The following RBFOX1 variants were observed in gnomAD, a reference collection of about 807,000 sequenced individuals.
RBFOX1 encodes the protein RNA binding protein fox-1 homolog 1.
In RBFOX1, 8 loss-of-function variants were observed where a neutral mutation model predicts 57.7. The observed-to-expected ratio is 0.14, with a 90% CI of 0.08 to 0.25. RBFOX1 has a LOEUF of 0.25. Ranked by LOEUF, RBFOX1 falls within the 10% of genes least tolerant of loss-of-function variation. The pLI is 1.00. For missense variants in RBFOX1, 611 were observed against 548.5 expected, an observed-to-expected ratio of 1.11 and a Z score of -1.14; for synonymous variants, 326 against 222.4, an observed-to-expected ratio of 1.47 and a Z score of -4.15.
At chr16:5,964,757 ATG>A (rs1272413713) in intron 4 of RBFOX1, among the ~76,000 whole-genome samples, 3 of 152,080 alleles carry the variant, frequency 2.0e-5, no homozygotes, top group African/African-American at 4.8e-5. Context: ...GTGTGTGTAT[ATG>A]TATATATATA....
Position 6,807,465 on chromosome 16 carries a change from G to T in RBFOX1, c.-16+152815G>T, listed in dbSNP as rs374796076. 1.2e-4 allele frequency among the ~76,000 whole-genome samples: 19 copies of T among 152,208 alleles called. 1 individual carries two copies. Among genetic ancestry groups the T allele is most frequent in the African/African-American group, 4.6e-4 (19 of 41,542 alleles). On this transcript the variant is annotated intron_variant, in intron 3 of 15. Coordinates refer to ENST00000550418, the MANE Select transcript of RBFOX1 (RefSeq NM_018723.4). Reference sequence around the variant, plus strand: ...TGGAGGAATGTTGGAGTAGCACACAGGGCTGGGGTCCTGAGTTCTGCACTC... The same window carrying T: ...TGGAGGAATGTTGGAGTAGCACACATGGCTGGGGTCCTGAGTTCTGCACTC...
intron 1 of RBFOX1, among the ~76,000 whole-genome samples, chr16:5,413,850 G>A (rs2067089264): frequency 6.6e-6 from 1 of 152,068 alleles, no homozygotes; most frequent in Non-Finnish European, 1.5e-5. Context: ...GGGTTGTTGG[G>A]GGAAGGCAAA....
intron 1 of RBFOX1, among the ~76,000 whole-genome samples, chr16:6,286,069 A>C (rs2076877289): frequency 6.6e-6 from 1 of 152,186 alleles, no homozygotes; most frequent in Non-Finnish European, 1.5e-5. Flanking sequence ...GGCACTGATA[A>C]TAAATGTTCA....
At chr16:6,669,916 G>C (rs1268207683) in intron 3 of RBFOX1, among the ~76,000 whole-genome samples, 1 of 152,172 alleles carries the variant, frequency 6.6e-6, no homozygotes, top group East Asian at 1.9e-4. Flanking sequence ...ATGGTATATG[G>C]AGAATCCAGT....
At chr16:5,340,463 A>G (rs566527755) in intron 1 of RBFOX1, among the ~76,000 whole-genome samples, 22 of 152,336 alleles carry the variant, frequency 1.4e-4, no homozygotes, top group African/African-American at 5.3e-4. Context: ...TCTGTCAGGG[A>G]TTGCTGCCAT....
intron 4 of RBFOX1, among the ~76,000 whole-genome samples, chr16:7,315,696 G>A (rs1367051991): frequency 6.6e-6 from 1 of 151,596 alleles, no homozygotes; most frequent in Non-Finnish European, 1.5e-5. Context: ...TTCATCATGG[G>A]ACATATGATA....
chr16:5,242,296 A>T lies in RBFOX1; in HGVS notation c.219+2191A>T, dbSNP rs1596284130. 2.0e-5 allele frequency among the ~76,000 whole-genome samples: 3 copies of T among 152,358 alleles called. No individual in the cohort carries two copies. The South Asian group carries it at 6.2e-4, about 32-fold the overall frequency. ...TGTGAATTTCATGACCTGAAGGATG[A>T]TGCAGGAACTGAACACAAACCATCC... On this transcript the variant is annotated intron_variant, in intron 1 of 2. Coordinates refer to the RBFOX1 transcript ENST00000585867.
chr16:5,548,281 T>C (rs567056196), intron 2 of RBFOX1, among the ~76,000 whole-genome samples: 6 of 148,628 alleles, frequency 4.0e-5, no homozygotes, highest in African/African-American at 1.5e-4. Context: ...GGTACTATGC[T>C]CACTGCCTGG....
chr16:5,939,198 C>G (rs2059231742), intron 4 of RBFOX1, among the ~76,000 whole-genome samples: 2 of 152,138 alleles, frequency 1.3e-5, no homozygotes, highest in African/African-American at 2.4e-5. Context: ...ATGTAACAAA[C>G]CTGCCCATTG....
chr16:6,855,413 AGGG>A (rs1567574244), intron 3 of RBFOX1, among the ~76,000 whole-genome samples: 1 of 152,062 alleles, frequency 6.6e-6, no homozygotes, highest in Non-Finnish European at 1.5e-5. Flanking sequence ...GCACTTTGGG[AGGG>A]TGAGGCGGGC....
intron 3 of RBFOX1, among the ~76,000 whole-genome samples, chr16:6,799,790 C>T (rs548674651): frequency 6.6e-6 from 1 of 152,128 alleles, no homozygotes; most frequent in African/African-American, 2.4e-5. Context: ...GACTTAACAC[C>T]AGTGGTTTGC....
intron 2 of RBFOX1, among the ~76,000 whole-genome samples, chr16:6,435,386 T>G (rs549850536): frequency 9.2e-4 from 140 of 151,652 alleles, no homozygotes; most frequent in Admixed American, 2.0e-3. Context: ...CTGCAGCCTC[T>G]GCCTCCCGCA....
intron 1 of RBFOX1, among the ~76,000 whole-genome samples, chr16:5,313,624 G>A (rs1222978474): frequency 2.0e-5 from 3 of 152,138 alleles, no homozygotes; most frequent in African/African-American, 7.2e-5. Context: ...TGGAAGGCAA[G>A]GAGGAGCAAG....
chr16:6,410,962 G>T (rs1175703498), intron 2 of RBFOX1, among the ~76,000 whole-genome samples: 1 of 152,112 alleles, frequency 6.6e-6, no homozygotes, highest in African/African-American at 2.4e-5. Flanking sequence ...GGCATTACCT[G>T]AACATCCCCA....
chr16:7,086,109 G>A (rs1035162847), intron 4 of RBFOX1, among the ~76,000 whole-genome samples: 2 of 152,060 alleles, frequency 1.3e-5, no homozygotes, highest in South Asian at 4.2e-4. Context: ...ATCATGCTTA[G>A]CCAGTATGCA....
At chr16:6,810,892 A>G (rs578151411) in intron 3 of RBFOX1, among the ~76,000 whole-genome samples, 10 of 152,258 alleles carry the variant, frequency 6.6e-5, no homozygotes, top group African/African-American at 2.4e-4. Context: ...ACGGTTCAAG[A>G]GCTGATTTGG....
At chr16:5,931,158 A>G (rs1053438351) in intron 4 of RBFOX1, among the ~76,000 whole-genome samples, 2 of 152,134 alleles carry the variant, frequency 1.3e-5, no homozygotes, top group East Asian at 3.9e-4. Flanking sequence ...TGGCTTCATT[A>G]TTAGGCTCCA....
intron 4 of RBFOX1, among the ~76,000 whole-genome samples, chr16:7,088,205 A>T (rs2060278243): frequency 6.6e-6 from 1 of 152,220 alleles, no homozygotes; most frequent in African/African-American, 2.4e-5. Flanking sequence ...AATTCAGAAA[A>T]AAGGTCTAGG....
intron 3 of RBFOX1, among the ~76,000 whole-genome samples, chr16:6,931,829 C>T (rs780189125): frequency 4.6e-5 from 7 of 152,004 alleles, no homozygotes; most frequent in Admixed American, 1.3e-4. Flanking sequence ...TTTTGGAGGT[C>T]GGAAAGTCCA....
Sources: gnomAD v4.1 joint callset for allele counts (sites outside exome capture counted in the v4.1 genomes callset) on GRCh38, gnomAD v4.1.1 for gene constraint, MANE v1.5 for transcripts, NCBI Gene and HGNC (gene_info 2026-07-23, HGNC 2026-07-21) for gene names.